ECT2L: variants seen among roughly 807,000 people sequenced by gnomAD.
ECT2L encodes the protein epithelial cell transforming 2 like, also known as epithelial cell-transforming sequence 2 oncogene-like.
In ECT2L, 126 loss-of-function variants were observed where a neutral mutation model predicts 122.8. The observed-to-expected ratio is 1.03, with a 90% CI of 0.89 to 1.19. The LOEUF (loss-of-function observed/expected upper bound fraction) is 1.19, where lower values mean the gene tolerates loss of function less well. Ranked by LOEUF, ECT2L falls within the 50% of genes most tolerant of loss-of-function variation. The pLI is 0.00. For missense variants in ECT2L, 1,012 were observed against 1,064.1 expected (o/e 0.95, Z 0.68); for synonymous variants, 385 against 381.8 (o/e 1.01, Z -0.10).
At chr6:138,805,729 A>G (rs1399519893) in intron 1 of ECT2L, among the ~76,000 whole-genome samples, 1 of 152,230 alleles carries the variant, frequency 6.6e-6, no homozygotes, top group Non-Finnish European at 1.5e-5. Context: ...ATCCCAGCCC[A>G]GGCTTATTTA....
At chr6:138,880,349 CCTTT>C (rs1778601554) in intron 14 of ECT2L, among the ~76,000 whole-genome samples, 1 of 152,124 alleles carries the variant, frequency 6.6e-6, no homozygotes, top group Non-Finnish European at 1.5e-5. Flanking sequence ...CTGCCAAGCC[CCTTT>C]CTAAGGGCAC....
chr6:138,852,354 G>C (rs1389137494), intron 9 of ECT2L, among the ~76,000 whole-genome samples: 1 of 151,140 alleles, frequency 6.6e-6, no homozygotes, highest in Non-Finnish European at 1.5e-5. Context: ...CCGGGAGAAA[G>C]AGATGATGAA....
At chr6:138,820,694 C>G (rs1776239949) in intron 4 of ECT2L, among the ~76,000 whole-genome samples, 1 of 152,138 alleles carries the variant, frequency 6.6e-6, no homozygotes, top group South Asian at 2.1e-4. Context: ...CTTTTACACA[C>G]AGGAGAAAGG....
At chr6:138,826,937 C>T (rs1387408375) in intron 4 of ECT2L, among the ~76,000 whole-genome samples, 2 of 152,144 alleles carry the variant, frequency 1.3e-5, no homozygotes, top group Admixed American at 1.3e-4. Flanking sequence ...TCCCCTTCAC[C>T]TTCCACCATG....
chr6:138,799,973 A>C (rs1371785265), intron 1 of ECT2L, among the ~76,000 whole-genome samples: 1 of 152,164 alleles, frequency 6.6e-6, no homozygotes, highest in African/African-American at 2.4e-5. Flanking sequence ...CAGTGTAGAC[A>C]CTCAAACAAA....
intron 20 of ECT2L, among the ~76,000 whole-genome samples, chr6:138,893,410 T>C (rs895103944): frequency 2.9e-5 from 4 of 139,978 alleles, no homozygotes; most frequent in African/African-American, 1.1e-4. Flanking sequence ...AGAATATATA[T>C]ATATTTTTTT....
chr6:138,834,791 C>G (rs1776765364), intron 4 of ECT2L, among the ~76,000 whole-genome samples: 1 of 151,910 alleles, frequency 6.6e-6, no homozygotes, highest in African/African-American at 2.4e-5. Context: ...ACAGTTATTA[C>G]CTGTGCTTTA....
At chr6:138,809,273 A>C (rs1775813019) in intron 1 of ECT2L, among the ~76,000 whole-genome samples, 1 of 152,182 alleles carries the variant, frequency 6.6e-6, no homozygotes. Flanking sequence ...TATCAAAAAC[A>C]CTTGTTGGGC....
At chr6:138,866,789 G>A (rs2128400732) in intron 12 of ECT2L, among the ~76,000 whole-genome samples, 1 of 152,256 alleles carries the variant, frequency 6.6e-6, no homozygotes, top group African/African-American at 2.4e-5. Flanking sequence ...TTATATATTT[G>A]AAGCCTGGTG....
At chr6:138,816,987 A>G (rs1055163031) in intron 4 of ECT2L, among the ~76,000 whole-genome samples, 2 of 152,120 alleles carry the variant, frequency 1.3e-5, no homozygotes, top group African/African-American at 4.8e-5. Context: ...GCAAACACAA[A>G]TCTGCTTTCT....
intron 13 of ECT2L, among the ~76,000 whole-genome samples, chr6:138,874,536 A>C (rs1171167620): frequency 1.3e-5 from 2 of 152,230 alleles, no homozygotes; most frequent in African/African-American, 4.8e-5. Context: ...GCTGAGCCGG[A>C]ATGTGAAACA....
Position 138,899,616 on chromosome 6 carries a change from C to T in ECT2L, c.2415-1332C>T, listed in dbSNP as rs541383847. ...ATAGCAGGGATTGATGTCACTTAAG[C>T]GTTTTGTAACACTTTATGTTCCGAC... is the stretch of plus-strand genomic sequence containing the variant. On this transcript the variant is annotated intron_variant, in intron 20 of 21. Transcript: ENST00000541398. 7.9e-5 allele frequency among the ~76,000 whole-genome samples: 12 copies of T among 152,102 alleles called. No individual in the cohort carries two copies. In the South Asian group the frequency reaches 1.0e-3, roughly 13 times the overall value.
At chr6:138,846,423 A>C (rs1777221363) in intron 7 of ECT2L, 116 bp from the exon 8 acceptor site, 1 of 965,094 alleles carries the variant, frequency 1.0e-6, no homozygotes. Context: ...AGGCTAAGGC[A>C]TGGAGGCCAC....
chr6:138,883,460 C>T (rs1396747758), intron 16 of ECT2L, among the ~76,000 whole-genome samples: 1 of 152,194 alleles, frequency 6.6e-6, no homozygotes, highest in Non-Finnish European at 1.5e-5. Flanking sequence ...TCTTTCTTCC[C>T]TCCTCAATTG....
At chr6:138,864,282 A>C (rs1387574370) in intron 11 of ECT2L, among the ~76,000 whole-genome samples, 1 of 152,140 alleles carries the variant, frequency 6.6e-6, no homozygotes, top group African/African-American at 2.4e-5. Context: ...AGGTCGTGCC[A>C]CCATACTCCA....
At chr6:138,820,201 TC>T (rs1263679624) in intron 4 of ECT2L, among the ~76,000 whole-genome samples, 1 of 152,164 alleles carries the variant, frequency 6.6e-6, no homozygotes, top group Non-Finnish European at 1.5e-5. Flanking sequence ...TTCATCATGA[TC>T]ACTGCCTCCC....
At chr6:138,864,051 T>G (rs1777939911) in intron 11 of ECT2L, among the ~76,000 whole-genome samples, 1 of 132,462 alleles carries the variant, frequency 7.5e-6, no homozygotes, top group Non-Finnish European at 1.5e-5. Flanking sequence ...CCGGGCGCAG[T>G]GGCTCACACC....
chr6:138,864,002 T>TAAAAAAAAAAA (rs1172466449), intron 11 of ECT2L, among the ~76,000 whole-genome samples: 3 of 55,870 alleles, frequency 5.4e-5, no homozygotes, highest in African/African-American at 2.3e-4. Flanking sequence ...TCTCCGTATT[T>TAAAAAAAAAAA]AAAAAAAAAA....
chr6:138,823,556 C>T (rs3911404), intron 4 of ECT2L: 417,605 of 1,480,944 alleles, frequency 0.28, 76,249 homozygotes, highest in South Asian at 0.44. Context: ...TCATCTACTC[C>T]CTGATCACCA....
Sources: gnomAD v4.1 joint callset for allele counts (sites outside exome capture counted in the v4.1 genomes callset) on GRCh38, gnomAD v4.1.1 for gene constraint, MANE v1.5 for transcripts, NCBI Gene and HGNC (gene_info 2026-07-23, HGNC 2026-07-21) for gene names.